The following SREBF1 variants were observed in gnomAD, a reference collection of about 807,000 sequenced individuals.
SREBF1 encodes sterol regulatory element binding transcription factor 1, also known as sterol regulatory element-binding protein 1.
SREBF1 carries 45 observed loss-of-function variants against 100.1 expected under a neutral mutation model. That is an observed-to-expected ratio of 0.45 (90% CI 0.35 to 0.58). The LOEUF (loss-of-function observed/expected upper bound fraction) is 0.58, where lower values mean the gene tolerates loss of function less well. Ranked by LOEUF, SREBF1 falls within the 20% of genes least tolerant of loss-of-function variation. The pLI is 0.00. For synonymous variants in SREBF1, 657 were observed against 681.8 expected (o/e 0.96, Z 0.57); for missense variants, 1,324 against 1,539.4 (o/e 0.86, Z 2.34).
At position 17,815,266 on chromosome 17, in the gene SREBF1, C is replaced by G; in HGVS notation, c.2447G>C (p.Cys816Ser). 1 of 1,613,730 alleles carries G rather than the reference C, an allele frequency of 6.2e-7. No individual in the cohort carries two copies. The highest frequency in any genetic ancestry group is 8.5e-7 in the Non-Finnish European group (1 of 1,180,016). Residue 816 changes from cysteine (C) to serine (S), a missense_variant, in exon 13 of 19, where the codon TGT becomes TCT. Coordinates refer to ENST00000261646, the MANE Select transcript of SREBF1 (RefSeq NM_004176.5). Reference protein sequence around the residue: ...REHLLERALNCVTQPNPSPGS... With the variant: ...REHLLERALNSVTQPNPSPGS... Reference sequence around the variant, plus strand: ...AGGGCTGGGGTTGGGCTGGGTCACACAGTTCAGTGCTCGCTCTAAGAGATG... The same window carrying G: ...AGGGCTGGGGTTGGGCTGGGTCACAGAGTTCAGTGCTCGCTCTAAGAGATG...
At position 17,817,689 on chromosome 17, in the gene SREBF1, G is replaced by GCCCA. The variant is rs1567968792; in HGVS notation, c.1404+3_1404+6dup. 6.2e-7 allele frequency: 1 copy of GCCCA among 1,612,950 alleles called. No individual in the cohort carries two copies. The highest frequency in any genetic ancestry group is 2.2e-5 in the East Asian group (1 of 44,874). ...GTGGGGAAGGGGGCACCGTGGCAGG[G>GCCCA]CCCAACCTTGCTGTCCTCAAAGACT... On this transcript the variant is annotated splice_region_variant and intron_variant, in intron 7 of 18. Coordinates refer to ENST00000261646, the MANE Select transcript of SREBF1 (RefSeq NM_004176.5). The surrounding 1 kb of genome is among the most constrained non-coding windows in gnomAD (Gnocchi z 6.6).
rs546138693 is a variant in SREBF1 at position 17,825,670 on chromosome 17, C to T, written c.92-5149G>A. 2.2e-4 allele frequency among the ~76,000 whole-genome samples: 33 copies of T among 148,302 alleles called. No individual in the cohort carries two copies. In the East Asian group the frequency reaches 5.7e-3, roughly 26 times the overall value. On this transcript the variant is annotated intron_variant, in intron 1 of 18. Transcript: ENST00000261646. Reference sequence around the variant, plus strand: ...TCACCCAGGCTGGAGTGCAGTGACACGATCTCAGCTCACTGCAACCTCTAC... The same window carrying T: ...TCACCCAGGCTGGAGTGCAGTGACATGATCTCAGCTCACTGCAACCTCTAC...
intron 1 of SREBF1, among the ~76,000 whole-genome samples, chr17:17,823,971 A>G (rs62064118): frequency 0.015 from 2,348 of 152,098 alleles, 28 homozygotes; most frequent in Middle Eastern, 0.054. Flanking sequence ...CCCCTTCGTT[A>G]AAGGGTCAAA....
In SREBF1 at chr17:17,818,310, T is replaced by C. The variant is rs2033808556; in HGVS notation, c.1133A>G (p.Gln378Arg). ...DYIRFLQHSN[Q>R]KLKQENLSLR... ...ACTTAGGTTCTCCTGCTTGAGTTTC[T>C]GGTTGCTGTGTTGCAGAAAGCGAAT... The change falls in exon 6 of 19, where the codon CAG (glutamine) becomes CGG (arginine). Residue 378 changes from glutamine to arginine, a missense_variant. Transcript: ENST00000261646. The C allele has an allele frequency of 2.5e-6, 4 of 1,613,888 alleles. No individual in the cohort carries two copies. Among genetic ancestry groups the C allele is most frequent in the South Asian group, 2.2e-5 (2 of 91,080 alleles).
chr17:17,835,009 T>C (rs2035144903), intron 1 of SREBF1, among the ~76,000 whole-genome samples: 1 of 152,134 alleles, frequency 6.6e-6, no homozygotes, highest in African/African-American at 2.4e-5. Context: ...AACAAAGGTC[T>C]GTATCAGACC....
chr17:17,816,534 G>A lies in SREBF1; in HGVS notation c.1970C>T (p.Ala657Val), dbSNP rs199775670. 403 of 1,602,614 alleles carry A rather than the reference G, an allele frequency of 2.5e-4. No individual in the cohort carries two copies. The highest frequency in any genetic ancestry group is 2.9e-4 in the Non-Finnish European group (343 of 1,175,756). The change falls in exon 10 of 19, where the codon GCT becomes GTT. Residue 657 changes from alanine (A) to valine (V), a missense_variant. Transcript: ENST00000261646. Reference sequence around the variant, plus strand: ...GCTGGCGCTAGCATCCACTCGCAGAGCACAGTCCTGCTGCAGGCCCCCTGC... The same window carrying A: ...GCTGGCGCTAGCATCCACTCGCAGAACACAGTCCTGCTGCAGGCCCCCTGC... ...GRAGGLQQDC[A>V]LRVDASASAR...
chr17:17,828,932 C>T (rs571696333), intron 1 of SREBF1, among the ~76,000 whole-genome samples: 10 of 152,082 alleles, frequency 6.6e-5, no homozygotes, highest in South Asian at 2.1e-4. Flanking sequence ...AACTGGCTCA[C>T]GCCTGTAATC....
chr17:17,825,273 TTG>T (rs2064833600), intron 1 of SREBF1, among the ~76,000 whole-genome samples: 1 of 152,228 alleles, frequency 6.6e-6, no homozygotes, highest in South Asian at 2.1e-4. Flanking sequence ...CTGCCTCTTA[TTG>T]TGTCTTTATT....
In SREBF1 at chr17:17,812,393, A is replaced by G; in HGVS notation, c.*229T>C. On this transcript the variant is annotated 3_prime_UTR_variant, in exon 19 of 19. Coordinates refer to ENST00000261646, the MANE Select transcript of SREBF1 (RefSeq NM_004176.5). ...CCCCCCAAAATGGCTCGGCCCCTGC[A>G]GTGCCCCGATCGGCCACCAGAGGTC... 3.3e-6 allele frequency: 2 copies of G among 609,418 alleles called. No homozygotes were observed. The highest frequency in any genetic ancestry group is 5.7e-6 in the Non-Finnish European group (2 of 349,912). 37.8% of individuals were successfully genotyped at this position (609,418 alleles called of 1,614,324 possible).
intron 1 of SREBF1, among the ~76,000 whole-genome samples, chr17:17,832,205 G>A (rs144880471): frequency 6.6e-6 from 1 of 152,294 alleles, no homozygotes; most frequent in African/African-American, 2.4e-5. Flanking sequence ...TAACCTCTCT[G>A]GTCCTCAAGG....
intron 1 of SREBF1, among the ~76,000 whole-genome samples, chr17:17,829,810 C>T (rs1261045055): frequency 1.3e-5 from 2 of 152,058 alleles, no homozygotes; most frequent in African/African-American, 2.4e-5. Flanking sequence ...TCCACCATGC[C>T]AAGCTAATTT....
At position 17,817,081 on chromosome 17, in the gene SREBF1, C is replaced by G. The variant is rs764604749; in HGVS notation, c.1662G>C (p.Gly554=). ...LLPPVVWLLN[G]LLVLVSLVLL... is the part of the protein sequence containing the mutation. ...GCACCAAGGAGACGAGCACCAACAG[C>G]CCATTGAGCAGCCAGACCACTGGGG... Residue 554 remains glycine (G), a synonymous_variant, in exon 9 of 19, where the codon GGG becomes GGC. Transcript: ENST00000261646. The surrounding 1 kb of genome is among the most constrained non-coding windows in gnomAD (Gnocchi z 6.6). The G allele has an allele frequency of 1.6e-5, 26 of 1,613,038 alleles. No individual in the cohort carries two copies. Among genetic ancestry groups the G allele is most frequent in the Non-Finnish European group, 2.1e-5 (25 of 1,180,012 alleles).
In SREBF1 at chr17:17,815,194, C is replaced by A. The variant is rs371643340; in HGVS notation, c.2492+27G>T. The A allele has an allele frequency of 3.1e-6, 5 of 1,600,652 alleles. No homozygotes were observed. The African/African-American group carries it at 6.7e-5, about 21-fold the overall frequency. ...TCAGAATCCCGCCGGAGGGGCCTTGCCTGGAGGAGGGCACAACGACACTTA... is the reference window on the plus strand; with the variant it reads ...TCAGAATCCCGCCGGAGGGGCCTTGACTGGAGGAGGGCACAACGACACTTA... On this transcript the variant is annotated intron_variant, in intron 13 of 18. Transcript: ENST00000261646.
chr17:17,829,526 C>G (rs993735793), intron 1 of SREBF1, among the ~76,000 whole-genome samples: 3 of 152,124 alleles, frequency 2.0e-5, no homozygotes, highest in African/African-American at 7.2e-5. Flanking sequence ...TTTGAAGGTG[C>G]TTTCACTCAC....
At position 17,814,417 on chromosome 17, in the gene SREBF1, G is replaced by A. The variant is rs2033312350; in HGVS notation, c.2736-7C>T. Reference sequence around the variant, plus strand: ...TGCCCTGGGCAGGGGTCTCCTGTTGGGACCAGGGCAGAAGAGTGCCAGTCA... The same window carrying A: ...TGCCCTGGGCAGGGGTCTCCTGTTGAGACCAGGGCAGAAGAGTGCCAGTCA... On this transcript the variant is annotated splice_polypyrimidine_tract_variant and splice_region_variant and intron_variant, in intron 15 of 18. Coordinates refer to ENST00000261646, the MANE Select transcript of SREBF1 (RefSeq NM_004176.5). 1 of 1,553,452 alleles carries A rather than the reference G, an allele frequency of 6.4e-7. No homozygotes were observed. Among genetic ancestry groups the A allele is most frequent in the Non-Finnish European group, 8.7e-7 (1 of 1,148,796 alleles).
At chr17:17,818,922 TCA>T in intron 5 of SREBF1, 89 bp downstream of exon 5, 2 of 1,430,692 alleles carry the variant, frequency 1.4e-6, no homozygotes, top group African/African-American at 1.4e-5. Context: ...TTGTCCAGGC[TCA>T]GTCTCACTCC....
In SREBF1 at chr17:17,815,116, G is replaced by A. The variant is rs867560936; in HGVS notation, c.2492+105C>T. ...GAGAGGAATGAAGCGTGCATGGCAC[G>A]CACGGTAGCCCAGCTCTGGGCTCTC... On this transcript the variant is annotated intron_variant, in intron 13 of 18. Transcript: ENST00000261646. 8.6e-6 allele frequency: 11 copies of A among 1,284,944 alleles called. No individual in the cohort carries two copies. The South Asian group carries it at 1.2e-4, about 14-fold the overall frequency. 79.6% of individuals were successfully genotyped at this position (1,284,944 alleles called of 1,614,324 possible).
intron 1 of SREBF1, among the ~76,000 whole-genome samples, chr17:17,822,795 G>A (rs1445905252): frequency 6.6e-6 from 1 of 152,240 alleles, no homozygotes; most frequent in Non-Finnish European, 1.5e-5. Flanking sequence ...GCTTTGCTTG[G>A]CAGGCAGCTG....
At chr17:17,820,959 G>A (rs1383588536) in intron 1 of SREBF1, 2 of 248,716 alleles carry the variant, frequency 8.0e-6, no homozygotes, top group East Asian at 2.1e-4. Flanking sequence ...GTGAGCATGT[G>A]CTGAGTGCTG....
Sources: gnomAD v4.1 joint callset for allele counts (sites outside exome capture counted in the v4.1 genomes callset) on GRCh38, gnomAD v4.1.1 for gene constraint, Gnocchi (gnomAD v3.1) non-coding constraint, MANE v1.5 for transcripts, NCBI Gene and HGNC (gene_info 2026-07-23, HGNC 2026-07-21) for gene names.